Variants in GIGYF2 observed in about 807,000 individuals in gnomAD.
The protein encoded by GIGYF2 is GRB10-interacting GYF protein 2.
GIGYF2 carries 25 observed loss-of-function variants against 208.1 expected under a neutral mutation model. The observed-to-expected ratio is 0.12, with a 90% CI of 0.09 to 0.17. GIGYF2 has a LOEUF of 0.17. GIGYF2 is among the 10% of genes least tolerant of loss of function. The probability of loss-of-function intolerance (pLI) is 1.00; values close to 1 mark genes in which losing one functional copy is unlikely to be tolerated. For synonymous variants in GIGYF2, 534 were observed against 543.8 expected (o/e 0.98, Z 0.25); for missense variants, 1,302 against 1,579.4 (o/e 0.82, Z 2.98).
At chr2:232,842,717 G>C (rs1375244575) in intron 23 of GIGYF2, among the ~76,000 whole-genome samples, 1 of 152,158 alleles carries the variant, frequency 6.6e-6, no homozygotes, top group Non-Finnish European at 1.5e-5. Flanking sequence ...GGGTTGTTCT[G>C]TTGGGGACCT....
In GIGYF2 at chr2:232,753,655, C is replaced by T. The variant is rs758772670; in HGVS notation, c.268-2568C>T. Among the ~76,000 whole-genome samples, 29 of 152,204 alleles carry T rather than the reference C, an allele frequency of 1.9e-4. 1 individual carries two copies. Among genetic ancestry groups the T allele is most frequent in the Middle Eastern group, 3.4e-3 (1 of 294 alleles). On this transcript the variant is annotated intron_variant, in intron 5 of 28. Coordinates refer to ENST00000373563, the MANE Select transcript of GIGYF2 (RefSeq NM_001103146.3). ...TAAGCACTTAACATTTAATGTGTTG[C>T]GTGCTTGCAGTCACCCGTGAGGTAG...
Position 232,844,351 on chromosome 2 carries a change from T to C in GIGYF2, c.3100-18T>C. The stretch of plus-strand genomic sequence containing the variant: ...TAACATGATTCACGATAATCATTTT[T>C]CTCTTTTTCTTTAACAGCATTCCAA... On this transcript the variant is annotated intron_variant, in intron 24 of 28. Coordinates refer to ENST00000373563, the MANE Select transcript of GIGYF2 (RefSeq NM_001103146.3). The C allele has an allele frequency of 6.2e-7, 1 of 1,612,470 alleles. No homozygotes were observed.
chr2:232,711,702 G>GATGTGTGTATATATATATATATATATAT (rs1553604488), intron 2 of GIGYF2, among the ~76,000 whole-genome samples: 2 of 50,498 alleles, frequency 4.0e-5, no homozygotes, highest in African/African-American at 1.5e-4. Flanking sequence ...TCCTCACAAT[G>GATGTGTGTATATATATATATATATATAT]ATGTATATAT....
At position 232,833,143 on chromosome 2, in the gene GIGYF2, TTAGG is replaced by T. The variant is rs1701475753; in HGVS notation, c.2766+56_2766+59del. The T allele has an allele frequency of 2.4e-6, 3 of 1,250,452 alleles. No individual in the cohort carries two copies. In the East Asian group the frequency reaches 7.6e-5, roughly 32 times the overall value. 77.5% of individuals were successfully genotyped at this position (1,250,452 alleles called of 1,614,324 possible). The stretch of plus-strand genomic sequence containing the variant: ...GGAGCTCCTTGCTAACATTTTTTAG[TTAGG>T]TAGGTGCTGGCTGTACCAGTAGCAG... On this transcript the variant is annotated intron_variant, in intron 22 of 28. Transcript: ENST00000373563.
At chr2:232,711,424 A>G (rs1696396009) in intron 2 of GIGYF2, among the ~76,000 whole-genome samples, 1 of 151,584 alleles carries the variant, frequency 6.6e-6, no homozygotes, top group Non-Finnish European at 1.5e-5. Flanking sequence ...TTGGTTTTTT[A>G]GTTGTATCTA....
intron 28 of GIGYF2, among the ~76,000 whole-genome samples, chr2:232,852,375 G>A (rs1478377173): frequency 2.6e-5 from 4 of 151,956 alleles, no homozygotes; most frequent in Non-Finnish European, 2.9e-5. Flanking sequence ...GTGAAACCTC[G>A]TCTCTAGTAA....
chr2:232,705,447 T>C (rs1471129585), intron 2 of GIGYF2: 2 of 152,230 alleles, frequency 1.3e-5, no homozygotes, highest in Non-Finnish European at 2.9e-5. Flanking sequence ...GCACTCTTGC[T>C]GCCGAGGCTG....
At chr2:232,725,649 A>G (rs1027062496) in intron 2 of GIGYF2, among the ~76,000 whole-genome samples, 12 of 152,196 alleles carry the variant, frequency 7.9e-5, no homozygotes, top group Admixed American at 6.6e-4. Context: ...TATGCTTCTC[A>G]TTTTAGGATA....
At chr2:232,721,811 A>G (rs1266586357) in intron 2 of GIGYF2, among the ~76,000 whole-genome samples, 1 of 152,032 alleles carries the variant, frequency 6.6e-6, no homozygotes, top group South Asian at 2.1e-4. Flanking sequence ...TGTCTCTGCC[A>G]TTATCCTGAG....
At chr2:232,710,781 C>T (rs1240032194) in intron 2 of GIGYF2, among the ~76,000 whole-genome samples, 1 of 150,284 alleles carries the variant, frequency 6.7e-6, no homozygotes, top group African/African-American at 2.4e-5. Flanking sequence ...CTCACTGCAA[C>T]CTCCGTCTCC....
At chr2:232,841,173 A>G (rs1375170982) in intron 23 of GIGYF2, among the ~76,000 whole-genome samples, 3 of 152,230 alleles carry the variant, frequency 2.0e-5, no homozygotes, top group African/African-American at 4.8e-5. Flanking sequence ...CTTCAAAGCT[A>G]GAAATTATTC....
chr2:232,723,263 T>A (rs902782594), intron 2 of GIGYF2, among the ~76,000 whole-genome samples: 1 of 152,192 alleles, frequency 6.6e-6, no homozygotes, highest in Admixed American at 6.5e-5. Context: ...CCCTAATACT[T>A]CCTGCCTTCT....
intron 2 of GIGYF2, among the ~76,000 whole-genome samples, chr2:232,707,785 G>C (rs186614186): frequency 1.3e-5 from 2 of 151,602 alleles, no homozygotes; most frequent in Admixed American, 1.3e-4. Flanking sequence ...TTACAGGTGC[G>C]TGCCACCATG....
chr2:232,773,022 G>A (rs1335914313), intron 8 of GIGYF2, among the ~76,000 whole-genome samples: 1 of 152,002 alleles, frequency 6.6e-6, no homozygotes, highest in African/African-American at 2.4e-5. Context: ...CTTCAGATTT[G>A]AGCTAATGGA....
intron 8 of GIGYF2, among the ~76,000 whole-genome samples, chr2:232,769,615 T>G (rs975005681): frequency 1.3e-5 from 2 of 152,024 alleles, no homozygotes; most frequent in African/African-American, 4.8e-5. Context: ...GAGGACTGAC[T>G]ATCAGGTAAT....
At chr2:232,812,580 G>A in intron 18 of GIGYF2, 89 bp downstream of exon 18, 1 of 687,732 alleles carries the variant, frequency 1.5e-6, no homozygotes, top group South Asian at 1.6e-5. Context: ...AATATATTAG[G>A]TTTCTGAATC....
intron 2 of GIGYF2, among the ~76,000 whole-genome samples, chr2:232,720,662 T>C (rs1696901859): frequency 6.6e-6 from 1 of 151,876 alleles, no homozygotes; most frequent in African/African-American, 2.4e-5. Context: ...TGGCGTGATC[T>C]CAGCTTACTG....
At chr2:232,820,796 C>T (rs147112812) in intron 21 of GIGYF2, among the ~76,000 whole-genome samples, 4 of 151,922 alleles carry the variant, frequency 2.6e-5, no homozygotes, top group Non-Finnish European at 5.9e-5. Context: ...TATTTCTAGG[C>T]TTTGTATTCT....
intron 8 of GIGYF2, among the ~76,000 whole-genome samples, chr2:232,773,470 A>AT (rs200718448): frequency 0.024 from 3,531 of 148,926 alleles, 153 homozygotes; most frequent in African/African-American, 0.082. Context: ...AAGCCAGTTA[A>AT]TTTTTTTTTT....
Sources: gnomAD v4.1 joint callset for allele counts (sites outside exome capture counted in the v4.1 genomes callset) on GRCh38, gnomAD v4.1.1 for gene constraint, MANE v1.5 for transcripts, NCBI Gene and HGNC (gene_info 2026-07-23, HGNC 2026-07-21) for gene names.